M1AP: variants seen among roughly 807,000 people sequenced by gnomAD.
M1AP encodes the protein meiosis 1 arrest protein.
Under a neutral mutation model 51.2 loss-of-function variants are expected in M1AP, and 39 were observed. The observed-to-expected ratio is 0.76, with a 90% CI of 0.59 to 1.00. The LOEUF is 1.00. Among genes scored for constraint, M1AP ranks in the 50% least tolerant of loss-of-function variants. The pLI is 0.00. For synonymous variants in M1AP, 251 were observed against 249.2 expected (o/e 1.01, Z -0.07); for missense variants, 545 against 641.2 (o/e 0.85, Z 1.62).
At chr2:74,583,530 G>T (rs997231219) in intron 4 of M1AP, among the ~76,000 whole-genome samples, 1 of 152,164 alleles carries the variant, frequency 6.6e-6, no homozygotes, top group Admixed American at 6.6e-5. Context: ...AATATGAGGT[G>T]GTGGAAGAAG....
At chr2:74,602,194 C>T (rs1181430219) in intron 4 of M1AP, among the ~76,000 whole-genome samples, 1 of 152,038 alleles carries the variant, frequency 6.6e-6, no homozygotes, top group East Asian at 1.9e-4. Context: ...CAATCACTCA[C>T]ACAAATCATT....
chr2:74,631,336 G>T (rs1386066220), intron 2 of M1AP, among the ~76,000 whole-genome samples: 3 of 152,112 alleles, frequency 2.0e-5, no homozygotes, highest in Non-Finnish European at 4.4e-5. Flanking sequence ...ATAACTCTGT[G>T]TAATTCCCTT....
intron 3 of M1AP, among the ~76,000 whole-genome samples, chr2:74,613,476 A>C (rs1314189821): frequency 2.0e-5 from 3 of 152,166 alleles, no homozygotes; most frequent in Admixed American, 6.5e-5. Context: ...TGAACTTTAC[A>C]AGTGTTCCTC....
At chr2:74,580,276 G>T (rs1679320803) in intron 5 of M1AP, among the ~76,000 whole-genome samples, 1 of 152,226 alleles carries the variant, frequency 6.6e-6, no homozygotes, top group African/African-American at 2.4e-5. Flanking sequence ...GCTTAATAAT[G>T]TTAGCTATAC....
At chr2:74,599,769 TAC>T (rs1199458426) in intron 4 of M1AP, among the ~76,000 whole-genome samples, 1 of 151,748 alleles carries the variant, frequency 6.6e-6, no homozygotes, top group East Asian at 1.9e-4. Context: ...CTATATATAA[TAC>T]ACACACACAG....
chr2:74,566,217 G>A (rs963107256), intron 7 of M1AP, among the ~76,000 whole-genome samples: 9 of 152,288 alleles, frequency 5.9e-5, no homozygotes, highest in African/African-American at 2.2e-4. Context: ...GGGAACCAAT[G>A]CTTTCTAAAT....
chr2:74,583,301 G>C (rs546728103), intron 4 of M1AP, among the ~76,000 whole-genome samples: 2 of 152,298 alleles, frequency 1.3e-5, no homozygotes, highest in Admixed American at 6.5e-5. Flanking sequence ...AGAGAACCAA[G>C]CCTGGAGCAT....
intron 4 of M1AP, among the ~76,000 whole-genome samples, chr2:74,587,620 A>C (rs921054445): frequency 6.6e-6 from 1 of 152,172 alleles, no homozygotes; most frequent in Non-Finnish European, 1.5e-5. Context: ...TAAATGTGCT[A>C]AATCTGGGGA....
intron 4 of M1AP, among the ~76,000 whole-genome samples, chr2:74,602,786 T>C (rs1351202208): frequency 6.6e-6 from 1 of 152,226 alleles, no homozygotes; most frequent in Non-Finnish European, 1.5e-5. Context: ...TATGGAAGGA[T>C]GCATTATTCA....
At chr2:74,561,960 T>G in intron 8 of M1AP, 1 of 985,352 alleles carries the variant, frequency 1.0e-6, no homozygotes, top group Non-Finnish European at 1.2e-6. Context: ...GATGCCAATA[T>G]CCCTTTTCTC....
intron 4 of M1AP, among the ~76,000 whole-genome samples, chr2:74,593,855 A>G (rs1235597328): frequency 6.6e-6 from 1 of 152,198 alleles, no homozygotes; most frequent in Non-Finnish European, 1.5e-5. Context: ...GGCAGCTAAA[A>G]ATTGGAAAGA....
intron 2 of M1AP, among the ~76,000 whole-genome samples, chr2:74,629,168 T>G (rs1314932015): frequency 1.3e-5 from 2 of 152,236 alleles, no homozygotes; most frequent in Non-Finnish European, 2.9e-5. Context: ...GAGATGAACA[T>G]GATCATAAGA....
intron 8 of M1AP, among the ~76,000 whole-genome samples, chr2:74,561,076 G>T (rs1028430891): frequency 1.2e-5 from 1 of 80,966 alleles, no homozygotes; most frequent in Non-Finnish European, 2.6e-5. Flanking sequence ...GGAGGAGGAG[G>T]AGGAGGAGGA....
intron 2 of M1AP, among the ~76,000 whole-genome samples, chr2:74,616,683 A>T (rs1681687720): frequency 1.3e-5 from 2 of 152,226 alleles, no homozygotes; most frequent in African/African-American, 4.8e-5. Flanking sequence ...GGCACTCTAG[A>T]TTGAGTTATT....
chr2:74,602,421 A>G (rs924182108), intron 4 of M1AP, among the ~76,000 whole-genome samples: 1 of 152,232 alleles, frequency 6.6e-6, no homozygotes, highest in African/African-American at 2.4e-5. Flanking sequence ...AATATTAATA[A>G]TAAGTATAGC....
intron 3 of M1AP, among the ~76,000 whole-genome samples, chr2:74,612,413 T>C (rs374103624): frequency 1.3e-5 from 2 of 152,162 alleles, no homozygotes. Context: ...AGAGATGGGA[T>C]CTCACTATGT....
chr2:74,639,098 G>C (rs1683144721), intron 2 of M1AP, among the ~76,000 whole-genome samples: 1 of 152,124 alleles, frequency 6.6e-6, no homozygotes, highest in Non-Finnish European at 1.5e-5. Flanking sequence ...ATAAGCCTAA[G>C]GTTCTGTCAA....
At chr2:74,633,896 A>G (rs943751061) in intron 2 of M1AP, among the ~76,000 whole-genome samples, 15 of 152,096 alleles carry the variant, frequency 9.9e-5, no homozygotes, top group Admixed American at 7.2e-4. Context: ...ATTCCCTTCT[A>G]TATTTCTTTG....
intron 1 of M1AP, chr2:74,647,317 TTCTGTTCC>T: frequency 1.0e-6 from 1 of 985,378 alleles, no homozygotes; most frequent in Non-Finnish European, 1.2e-6. Flanking sequence ...TCTGCGGATG[TTCTGTTCC>T]GTGCTGAGCA....
Sources: gnomAD v4.1 joint callset for allele counts (sites outside exome capture counted in the v4.1 genomes callset) on GRCh38, gnomAD v4.1.1 for gene constraint, MANE v1.5 for transcripts, NCBI Gene and HGNC (gene_info 2026-07-23, HGNC 2026-07-21) for gene names.